Variants in MDGA2 observed in about 807,000 individuals in gnomAD.
MDGA2 encodes the protein MAM domain-containing glycosylphosphatidylinositol anchor protein 2.
A neutral mutation model predicts 117.8 loss-of-function variants in MDGA2; 40 were observed. That is an observed-to-expected ratio of 0.34 (90% confidence interval 0.26 to 0.44). MDGA2 has a LOEUF of 0.44. MDGA2 is among the 20% of genes least tolerant of loss of function. The probability of loss-of-function intolerance (pLI) is 1.00; values close to 1 mark genes in which losing one functional copy is unlikely to be tolerated. For synonymous variants in MDGA2, 452 were observed against 439.0 expected (o/e 1.03, Z -0.37); for missense variants, 1,123 against 1,250.6 (o/e 0.90, Z 1.54).
At chr14:47,099,805 T>G (rs1880196164) in intron 5 of MDGA2, among the ~76,000 whole-genome samples, 1 of 152,074 alleles carries the variant, frequency 6.6e-6, no homozygotes, top group Non-Finnish European at 1.5e-5. Flanking sequence ...TGTAACTATC[T>G]TGAAGTATTT....
At chr14:47,524,876 T>C (rs1894940103) in intron 1 of MDGA2, among the ~76,000 whole-genome samples, 1 of 152,202 alleles carries the variant, frequency 6.6e-6, no homozygotes. Context: ...CGAGTTGTGG[T>C]CATGAAAATA....
chr14:47,345,394 C>T (rs1890742870), intron 1 of MDGA2, among the ~76,000 whole-genome samples: 1 of 152,186 alleles, frequency 6.6e-6, no homozygotes, highest in African/African-American at 2.4e-5. Context: ...AAGGACTGCA[C>T]CAATATTCTT....
intron 2 of MDGA2, among the ~76,000 whole-genome samples, chr14:47,251,879 A>G (rs908925942): frequency 7.2e-5 from 11 of 152,172 alleles, no homozygotes; most frequent in Non-Finnish European, 1.6e-4. Flanking sequence ...TGTTCCAACT[A>G]AAAAATAGGG....
chr14:47,200,828 G>A (rs1885475715), intron 3 of MDGA2: 2 of 804,296 alleles, frequency 2.5e-6, no homozygotes, highest in African/African-American at 3.4e-5. Flanking sequence ...GGCAGCAGGA[G>A]CCACCATCCA....
intron 1 of MDGA2, among the ~76,000 whole-genome samples, chr14:47,357,046 C>T (rs952837239): frequency 6.6e-6 from 1 of 152,206 alleles, no homozygotes; most frequent in African/African-American, 2.4e-5. Flanking sequence ...TCCTTATCTT[C>T]TCAGTGTTAT....
chr14:46,905,999 T>A (rs1182729790), intron 10 of MDGA2, among the ~76,000 whole-genome samples: 1 of 151,994 alleles, frequency 6.6e-6, no homozygotes, highest in Non-Finnish European at 1.5e-5. Flanking sequence ...TCATAAAATT[T>A]TCAAAACTTA....
intron 1 of MDGA2, among the ~76,000 whole-genome samples, chr14:47,319,087 A>C (rs1328227827): frequency 6.6e-6 from 1 of 152,140 alleles, no homozygotes; most frequent in Non-Finnish European, 1.5e-5. Flanking sequence ...AAATGTCTGA[A>C]AGTGTGCTGC....
chr14:47,350,499 T>C (rs1890854123), intron 1 of MDGA2, among the ~76,000 whole-genome samples: 1 of 152,220 alleles, frequency 6.6e-6, no homozygotes, highest in African/African-American at 2.4e-5. Context: ...GTATATGAAA[T>C]TCTAAATATA....
intron 5 of MDGA2, among the ~76,000 whole-genome samples, chr14:47,117,758 G>A (rs1197880295): frequency 2.6e-5 from 4 of 152,034 alleles, no homozygotes; most frequent in African/African-American, 9.7e-5. Context: ...GAGTGAGGAG[G>A]GAAATGAAGA....
At chr14:47,571,238 A>C (rs1279689131) in intron 1 of MDGA2, among the ~76,000 whole-genome samples, 1 of 152,210 alleles carries the variant, frequency 6.6e-6, no homozygotes, top group Admixed American at 6.5e-5. Flanking sequence ...TGTGATCATT[A>C]AAAAGCCAGG....
chr14:47,178,473 A>G (rs1223701554), intron 3 of MDGA2, among the ~76,000 whole-genome samples: 2 of 152,088 alleles, frequency 1.3e-5, no homozygotes, highest in African/African-American at 4.8e-5. Context: ...GCTCTTGGAG[A>G]TACAAAATAC....
intron 1 of MDGA2, among the ~76,000 whole-genome samples, chr14:47,531,261 C>G (rs1895094516): frequency 6.6e-6 from 1 of 152,046 alleles, no homozygotes; most frequent in Admixed American, 6.6e-5. Context: ...AACAAACAAA[C>G]AAAAACCACC....
Position 46,873,603 on chromosome 14 carries a change from C to A in MDGA2, c.2594-12G>T, listed in dbSNP as rs1566501934. On this transcript the variant is annotated splice_polypyrimidine_tract_variant and intron_variant, in intron 13 of 16. Coordinates refer to ENST00000399232, the MANE Select transcript of MDGA2 (RefSeq NM_001113498.3). Reference sequence around the variant, plus strand: ...GTACATATAAAAACCTTAAAACAGACAAAATAAAGTGTTTAAACACATTAT... The same window carrying A: ...GTACATATAAAAACCTTAAAACAGAAAAAATAAAGTGTTTAAACACATTAT... The A allele has an allele frequency of 6.2e-7, 1 of 1,606,022 alleles. No homozygotes were observed. Among genetic ancestry groups the A allele is most frequent in the Admixed American group, 1.7e-5 (1 of 58,812 alleles).
intron 5 of MDGA2, among the ~76,000 whole-genome samples, chr14:47,105,889 T>C (rs1318578638): frequency 6.6e-6 from 1 of 151,894 alleles, no homozygotes; most frequent in Non-Finnish European, 1.5e-5. Context: ...CAATTCTTTC[T>C]CAGCCTCTGC....
Position 47,078,382 on chromosome 14 carries a change from G to A in MDGA2, c.1196-16804C>T, listed in dbSNP as rs148971858. On this transcript the variant is annotated intron_variant, in intron 6 of 16. Transcript: ENST00000399232. ...TTTATACTCCCTGACAAGTAACTCC[G>A]AAAGACAGTTAAGTACAGAACCATA... Among the ~76,000 whole-genome samples, 167 of 152,142 alleles carry A rather than the reference G, an allele frequency of 1.1e-3. 1 individual carries two copies. Among genetic ancestry groups the A allele is most frequent in the African/African-American group, 3.9e-3 (161 of 41,514 alleles).
chr14:47,510,374 G>A (rs1024191292), intron 1 of MDGA2, among the ~76,000 whole-genome samples: 4 of 152,200 alleles, frequency 2.6e-5, no homozygotes, highest in Non-Finnish European at 5.9e-5. Flanking sequence ...AACTAAGACA[G>A]AAATATACAG....
At chr14:46,990,900 A>ATAC (rs35569138) in intron 8 of MDGA2, among the ~76,000 whole-genome samples, 1 of 89,308 alleles carries the variant, frequency 1.1e-5, no homozygotes, top group Non-Finnish European at 2.5e-5. Context: ...ACACACACAC[A>ATAC]CCCCGCGTAA....
chr14:47,150,303 AT>A (rs1883112123), intron 3 of MDGA2, among the ~76,000 whole-genome samples: 1 of 152,158 alleles, frequency 6.6e-6, no homozygotes, highest in African/African-American at 2.4e-5. Context: ...AAATTCTGTT[AT>A]ACTTTTAAAT....
chr14:47,407,200 T>G (rs1401546898), intron 1 of MDGA2, among the ~76,000 whole-genome samples: 1 of 152,258 alleles, frequency 6.6e-6, no homozygotes, highest in Non-Finnish European at 1.5e-5. Context: ...AAGATTCTGG[T>G]GTATTTTGTT....
Sources: allele counts gnomAD v4.1 joint callset (sites outside exome capture counted in the v4.1 genomes callset), GRCh38; gene constraint gnomAD v4.1.1; transcripts MANE v1.5; gene names NCBI Gene and HGNC (gene_info 2026-07-23, HGNC 2026-07-21).